Variants in TCF7L2 observed in about 807,000 individuals in gnomAD.
TCF7L2 encodes the protein transcription factor 7 like 2.
Under a neutral mutation model 77.9 loss-of-function variants are expected in TCF7L2, and 23 were observed. That is an observed-to-expected ratio of 0.30 (90% confidence interval 0.21 to 0.42). The LOEUF (loss-of-function observed/expected upper bound fraction) is 0.42, where lower values mean the gene tolerates loss of function less well. Among genes scored for constraint, TCF7L2 ranks in the 10% least tolerant of loss-of-function variants. The pLI is 1.00. For missense variants in TCF7L2, 654 were observed against 793.1 expected (o/e 0.82, Z 2.11); for synonymous variants, 413 against 340.2 (o/e 1.21, Z -2.36).
At chr10:113,073,099 C>CGCGTGT (rs1555009967) in intron 5 of TCF7L2, among the ~76,000 whole-genome samples, 1 of 103,962 alleles carries the variant, frequency 9.6e-6, no homozygotes, top group African/African-American at 4.3e-5. Context: ...AGGGCCAGGT[C>CGCGTGT]GTGTGTGTGT....
intron 4 of TCF7L2, among the ~76,000 whole-genome samples, chr10:112,988,573 T>C (rs2041984683): frequency 1.3e-5 from 2 of 152,248 alleles, no homozygotes; most frequent in South Asian, 4.1e-4. Flanking sequence ...TAATTTTCTC[T>C]TAGTTTCCTT....
At chr10:112,976,897 G>A (rs543570661) in intron 4 of TCF7L2, among the ~76,000 whole-genome samples, 10 of 152,062 alleles carry the variant, frequency 6.6e-5, no homozygotes, top group Admixed American at 2.0e-4. Context: ...ACTATGGTTG[G>A]ACTGGTGTCT....
At chr10:112,974,121 A>G (rs2038890607) in intron 4 of TCF7L2, among the ~76,000 whole-genome samples, 1 of 152,232 alleles carries the variant, frequency 6.6e-6, no homozygotes. Context: ...GCCAATAGCA[A>G]TTGGATTACA....
At chr10:112,999,953 G>C (rs2044175771) in intron 4 of TCF7L2, among the ~76,000 whole-genome samples, 1 of 152,182 alleles carries the variant, frequency 6.6e-6, no homozygotes, top group Admixed American at 6.5e-5. Flanking sequence ...ATGAATTGGG[G>C]TGTGGACTGT....
At chr10:113,097,671 A>C (rs927521758) in intron 5 of TCF7L2, among the ~76,000 whole-genome samples, 1 of 122,794 alleles carries the variant, frequency 8.1e-6, no homozygotes, top group South Asian at 2.4e-4. Flanking sequence ...AAAAAAAAAA[A>C]AAACAACCAT....
chr10:113,119,134 G>A (rs1046869954), intron 5 of TCF7L2, among the ~76,000 whole-genome samples: 4 of 152,190 alleles, frequency 2.6e-5, no homozygotes, highest in Non-Finnish European at 1.5e-5. Context: ...TGAGAGCAGA[G>A]ACCGCATAAT....
chr10:113,088,913 G>C (rs1364319616), intron 5 of TCF7L2, among the ~76,000 whole-genome samples: 1 of 151,504 alleles, frequency 6.6e-6, no homozygotes, highest in African/African-American at 2.4e-5. Flanking sequence ...AGTCCAGTCC[G>C]GGCAACATAG....
chr10:113,072,410 G>A (rs1162830760), intron 5 of TCF7L2, among the ~76,000 whole-genome samples: 5 of 151,916 alleles, frequency 3.3e-5, no homozygotes, highest in Non-Finnish European at 5.9e-5. Flanking sequence ...GCTGGAGTAC[G>A]GTGGTGGGAT....
chr10:112,950,835 CAGG>C lies in TCF7L2; in HGVS notation c.85_87del (p.Glu29del), dbSNP rs754968616. The stretch of plus-strand genomic sequence containing the variant: ...GATTTCCTTCAAAGACGAGGGCGAA[CAGG>C]AGGAGAAGAGCTCCGAAAACTCCTC... On this transcript the variant is annotated inframe_deletion, in exon 1 of 14. Coordinates refer to ENST00000627217, the MANE Select transcript of TCF7L2 (RefSeq NM_001146274.2). 1.9e-5 allele frequency: 30 copies of C among 1,607,118 alleles called. No homozygotes were observed. Among genetic ancestry groups the C allele is most frequent in the Admixed American group, 5.1e-5 (3 of 59,324 alleles).
At chr10:113,077,748 T>G (rs2058854490) in intron 5 of TCF7L2, among the ~76,000 whole-genome samples, 1 of 149,960 alleles carries the variant, frequency 6.7e-6, no homozygotes, top group South Asian at 2.1e-4. Context: ...TCGCCCAGGC[T>G]GGAGTGCAGT....
chr10:113,013,328 A>G (rs1444231958), intron 4 of TCF7L2, among the ~76,000 whole-genome samples: 1 of 152,154 alleles, frequency 6.6e-6, no homozygotes, highest in Non-Finnish European at 1.5e-5. Context: ...CATGTTGCCC[A>G]GGCTAGTTTC....
chr10:113,166,041 C>A lies in TCF7L2; in HGVS notation c.*69C>A. On this transcript the variant is annotated 3_prime_UTR_variant, in exon 14 of 14. Coordinates refer to ENST00000627217, the MANE Select transcript of TCF7L2 (RefSeq NM_001146274.2). ...CACTTTTCTTAATTTGCCCCCCACCCCCACCTTGAAAGGTTTTGTTTTGTA... is the reference window on the plus strand; with the variant it reads ...CACTTTTCTTAATTTGCCCCCCACCACCACCTTGAAAGGTTTTGTTTTGTA... 1 of 1,392,094 alleles carries A rather than the reference C, an allele frequency of 7.2e-7. No homozygotes were observed. Among genetic ancestry groups the A allele is most frequent in the Non-Finnish European group, 9.4e-7 (1 of 1,060,470 alleles). 86.2% of individuals were successfully genotyped at this position (1,392,094 alleles called of 1,614,324 possible).
At chr10:113,003,592 G>A (rs1217484538) in intron 4 of TCF7L2, among the ~76,000 whole-genome samples, 1 of 152,198 alleles carries the variant, frequency 6.6e-6, no homozygotes, top group South Asian at 2.1e-4. Flanking sequence ...GGCAAGTAGG[G>A]GAGGTGAAGA....
chr10:113,118,674 TTTTG>T lies in TCF7L2; in HGVS notation c.553-22506_553-22503del, dbSNP rs759432805. ...TTTTTGTTTTTTTTTGTTTTTTTTT[TTTTG>T]TTTTTTTTATTTTATTTTATTCCCA... On this transcript the variant is annotated intron_variant, in intron 5 of 13. Coordinates refer to ENST00000627217, the MANE Select transcript of TCF7L2 (RefSeq NM_001146274.2). 6.2e-3 allele frequency among the ~76,000 whole-genome samples: 608 copies of T among 98,706 alleles called. 5 individuals are homozygous for T. Among genetic ancestry groups the T allele is most frequent in the African/African-American group, 0.022 (577 of 26,716 alleles). The allele number at this position is 98,706 out of a possible 152,430, so 64.8% of individuals were successfully genotyped here. A position where few individuals can be genotyped will look rare whatever the true frequency, so the allele number is the denominator to read the frequency against.
chr10:113,080,382 C>G (rs536280407), intron 5 of TCF7L2, among the ~76,000 whole-genome samples: 1 of 152,056 alleles, frequency 6.6e-6, no homozygotes, highest in South Asian at 2.1e-4. Flanking sequence ...TATATACTCT[C>G]TGACACAGAG....
rs751607782 is a variant in TCF7L2, at chr10:113,151,788, T to C, written c.1065T>C (p.Asn355=). ...AGCCCCACATAAAGAAACCTCTTAATGCATTCATGTTGTATATGAAGGAAA... is the reference window on the plus strand; with the variant it reads ...AGCCCCACATAAAGAAACCTCTTAACGCATTCATGTTGTATATGAAGGAAA... The change falls in exon 10 of 14, where the codon AAT becomes AAC. Residue 355 remains asparagine, a synonymous_variant. Transcript: ENST00000627217. The surrounding 1 kb of genome is among the most constrained non-coding windows in gnomAD (Gnocchi z 5.2). 3 of 1,613,246 alleles carry C rather than the reference T, an allele frequency of 1.9e-6. No individual in the cohort carries two copies. The highest frequency in any genetic ancestry group is 1.7e-6 in the Non-Finnish European group (2 of 1,179,824).
intron 4 of TCF7L2, among the ~76,000 whole-genome samples, chr10:112,989,808 T>C (rs1400333703): frequency 6.6e-6 from 1 of 152,188 alleles, no homozygotes; most frequent in Non-Finnish European, 1.5e-5. Context: ...TAAAATGTTG[T>C]TGTGGTGTTT....
At chr10:113,097,233 G>A (rs2061093261) in intron 5 of TCF7L2, among the ~76,000 whole-genome samples, 1 of 152,132 alleles carries the variant, frequency 6.6e-6, no homozygotes, top group African/African-American at 2.4e-5. Flanking sequence ...AAGTCCACTT[G>A]TTCCTGAGAA....
chr10:113,105,952 G>A (rs2062248331), intron 5 of TCF7L2, among the ~76,000 whole-genome samples: 1 of 152,204 alleles, frequency 6.6e-6, no homozygotes, highest in Non-Finnish European at 1.5e-5. Flanking sequence ...CAAAAAAATA[G>A]ATTCTTTAGG....
Sources: gnomAD v4.1 joint callset for allele counts (sites outside exome capture counted in the v4.1 genomes callset) on GRCh38, gnomAD v4.1.1 for gene constraint, Gnocchi (gnomAD v3.1) non-coding constraint, MANE v1.5 for transcripts, NCBI Gene and HGNC (gene_info 2026-07-23, HGNC 2026-07-21) for gene names.